DCLK2: variants seen among roughly 807,000 people sequenced by gnomAD.
The protein encoded by DCLK2 is serine/threonine-protein kinase DCLK2.
A neutral mutation model predicts 78.4 loss-of-function variants in DCLK2; 31 were observed. The observed-to-expected ratio is 0.40, with a 90% CI of 0.30 to 0.53. DCLK2 has a LOEUF of 0.53. Ranked by LOEUF, DCLK2 falls within the 20% of genes least tolerant of loss-of-function variation. DCLK2 has a pLI of 0.61. For synonymous variants in DCLK2, 407 were observed against 374.9 expected (o/e 1.09, Z -0.99); for missense variants, 872 against 973.7 (o/e 0.90, Z 1.39).
chr4:150,237,382 G>C (rs1004981965), intron 10 of DCLK2, among the ~76,000 whole-genome samples: 5 of 152,098 alleles, frequency 3.3e-5, no homozygotes, highest in African/African-American at 9.7e-5. Context: ...GCTGACTTGT[G>C]GGCTGACTCA....
At position 150,249,635 on chromosome 4, in the gene DCLK2, A is replaced by G. The variant is rs1314906077; in HGVS notation, c.2024A>G (p.Asn675Ser). The G allele has an allele frequency of 2.5e-6, 4 of 1,613,666 alleles. No homozygotes were observed. The change falls in exon 15 of 16, where the codon AAT becomes AGT. Residue 675 changes from asparagine to serine, a missense_variant. By Grantham distance (46) the Asn-to-Ser change is conservative (BLOSUM62 1). This residue lies in a region of DCLK2 where 219 missense variants were observed against 230.1 expected (regional missense o/e 0.95). Coordinates refer to ENST00000296550, the MANE Select transcript of DCLK2 (RefSeq NM_001040260.4). Reference protein sequence around the residue: ...VTGKLKQHFNNALPKQNSTTT... With the variant: ...VTGKLKQHFNSALPKQNSTTT... ...GGTAAACTAAAACAGCACTTTAATA[A>G]TGCGCTCCCCAAACAGAACAGCACT... is the stretch of plus-strand genomic sequence containing the variant.
rs1743598546 is a variant in DCLK2 at position 150,249,629 on chromosome 4, T to G, written c.2018T>G (p.Phe673Cys). ...GTGACAGGTAAACTAAAACAGCACT[T>G]TAATAATGCGCTCCCCAAACAGAAC... ...AEVTGKLKQH[F>C]NNALPKQNST... Residue 673 changes from phenylalanine (F) to cysteine (C), a missense_variant, in exon 15 of 16, where the codon TTT becomes TGT. By Grantham distance (205) the Phe-to-Cys change is radical. Coordinates refer to ENST00000296550, the MANE Select transcript of DCLK2 (RefSeq NM_001040260.4). The G allele has an allele frequency of 1.9e-6, 3 of 1,613,752 alleles. No individual in the cohort carries two copies. Among genetic ancestry groups the G allele is most frequent in the Non-Finnish European group, 1.7e-6 (2 of 1,179,968 alleles).
rs977449337 is a variant in DCLK2 at position 150,249,931 on chromosome 4, G to A, written c.2073+247G>A. On this transcript the variant is annotated intron_variant, in intron 15 of 15. Coordinates refer to ENST00000296550, the MANE Select transcript of DCLK2 (RefSeq NM_001040260.4). ...TCCAGGCGTCAAGGAGCTCCTGGCT[G>A]GGCCCTCTGGGCAGCTGCTTCCACT... is the stretch of plus-strand genomic sequence containing the variant. Among the ~76,000 whole-genome samples, 4 of 152,042 alleles carry A rather than the reference G, an allele frequency of 2.6e-5. No individual in the cohort carries two copies. The East Asian group carries it at 7.7e-4, about 29-fold the overall frequency.
intron 12 of DCLK2, among the ~76,000 whole-genome samples, chr4:150,246,290 A>G (rs1743301659): frequency 1.3e-5 from 2 of 152,136 alleles, no homozygotes; most frequent in Middle Eastern, 3.4e-3. Flanking sequence ...CAGGTAATCC[A>G]CCCACCTTGG....
At chr4:150,159,246 A>ACAGTT (rs1735533895) in intron 2 of DCLK2, among the ~76,000 whole-genome samples, 1 of 152,162 alleles carries the variant, frequency 6.6e-6, no homozygotes, top group African/African-American at 2.4e-5. Flanking sequence ...TTCAGGCTTC[A>ACAGTT]CAGTTGAATC....
At position 150,172,564 on chromosome 4, in the gene DCLK2, G is replaced by A. The variant is rs906880503; in HGVS notation, c.757-20574G>A. Among the ~76,000 whole-genome samples, 13 of 136,974 alleles carry A rather than the reference G, an allele frequency of 9.5e-5. No individual in the cohort carries two copies. In the South Asian group the frequency reaches 2.1e-3, roughly 22 times the overall value. 89.9% of individuals were successfully genotyped at this position (136,974 alleles called of 152,430 possible). A position where few individuals can be genotyped will look rare whatever the true frequency, so the allele number is the denominator to read the frequency against. On this transcript the variant is annotated intron_variant, in intron 2 of 15. Transcript: ENST00000296550. ...GGAGCTTGCAGTGAGCCGAGATTGC[G>A]CCACTGCACTCCAGCCTGGGGCAAC...
At chr4:150,190,229 G>GGATAGATGGATAGTTA (rs1738311900) in intron 2 of DCLK2, among the ~76,000 whole-genome samples, 1 of 91,674 alleles carries the variant, frequency 1.1e-5, no homozygotes. Context: ...ATGGATAGAT[G>GGATAGATGGATAGTTA]GATAGTTAGA....
At chr4:150,190,052 G>T (rs60728427) in intron 2 of DCLK2, among the ~76,000 whole-genome samples, 1 of 68,200 alleles carries the variant, frequency 1.5e-5, no homozygotes, top group Non-Finnish European at 2.9e-5. Flanking sequence ...AAAAAAAAAA[G>T]GCCAAGTGTG....
At chr4:150,214,689 C>T (rs558891164) in intron 5 of DCLK2, among the ~76,000 whole-genome samples, 14 of 152,202 alleles carry the variant, frequency 9.2e-5, no homozygotes, top group South Asian at 6.2e-4. Context: ...CTGCCGGGCA[C>T]GATGGCTCAC....
At chr4:150,086,182 T>C (rs1025465577) in intron 1 of DCLK2, among the ~76,000 whole-genome samples, 4 of 152,226 alleles carry the variant, frequency 2.6e-5, no homozygotes, top group Admixed American at 2.6e-4. Flanking sequence ...TGGCACGTGG[T>C]GTTTTTTTAA....
intron 12 of DCLK2, among the ~76,000 whole-genome samples, chr4:150,247,303 C>T (rs556699160): frequency 6.6e-6 from 1 of 152,274 alleles, no homozygotes; most frequent in East Asian, 1.9e-4. Flanking sequence ...CAAGAATCAC[C>T]ACCGTCCCTT....
intron 2 of DCLK2, among the ~76,000 whole-genome samples, chr4:150,115,962 A>G (rs1732055201): frequency 6.6e-6 from 1 of 152,092 alleles, no homozygotes; most frequent in African/African-American, 2.4e-5. Flanking sequence ...AACTGCTGAA[A>G]TCTTTTCAAA....
intron 2 of DCLK2, among the ~76,000 whole-genome samples, chr4:150,188,059 A>C (rs1391825298): frequency 2.0e-5 from 3 of 152,164 alleles, no homozygotes; most frequent in Admixed American, 6.5e-5. Context: ...TTGGCCTCCC[A>C]AAGTGTTGGG....
At chr4:150,151,368 A>T (rs903615310) in intron 2 of DCLK2, among the ~76,000 whole-genome samples, 1 of 152,216 alleles carries the variant, frequency 6.6e-6, no homozygotes, top group East Asian at 1.9e-4. Flanking sequence ...TTCACATCAC[A>T]TATTGGGACA....
At chr4:150,224,438 G>T in intron 7 of DCLK2, 63 bp from the exon 8 acceptor site, 1 of 1,419,684 alleles carries the variant, frequency 7.0e-7, no homozygotes, top group Non-Finnish European at 9.6e-7. Context: ...AAAAAAGAAA[G>T]AAAACAGGAA....
chr4:150,194,024 C>CACACACAA (rs1580690647), intron 3 of DCLK2, among the ~76,000 whole-genome samples: 1 of 10,802 alleles, frequency 9.3e-5, no homozygotes, highest in East Asian at 9.6e-4. Context: ...AGTGCTGGGA[C>CACACACAA]ACACACACAC....
At chr4:150,248,847 C>G (rs1743523453) in intron 14 of DCLK2, among the ~76,000 whole-genome samples, 1 of 152,064 alleles carries the variant, frequency 6.6e-6, no homozygotes, top group South Asian at 2.1e-4. Context: ...TGAGTGGAGA[C>G]ACATGATATT....
intron 4 of DCLK2, among the ~76,000 whole-genome samples, chr4:150,203,056 A>G (rs548995519): frequency 7.4e-4 from 113 of 152,312 alleles, no homozygotes; most frequent in African/African-American, 2.6e-3. Flanking sequence ...ATTCTGTACT[A>G]CATAATTCTA....
At chr4:150,183,071 T>A (rs1218116994) in intron 2 of DCLK2, among the ~76,000 whole-genome samples, 1 of 152,182 alleles carries the variant, frequency 6.6e-6, no homozygotes, top group African/African-American at 2.4e-5. Flanking sequence ...TATCTTCCCA[T>A]TACGTCTTCT....
Sources: allele counts gnomAD v4.1 joint callset (sites outside exome capture counted in the v4.1 genomes callset), GRCh38; gene constraint gnomAD v4.1.1; regional missense constraint gnomAD v4.1.1; transcripts MANE v1.5; gene names NCBI Gene and HGNC (gene_info 2026-07-23, HGNC 2026-07-21).